SASH1: variants seen among roughly 807,000 people sequenced by gnomAD.
SASH1 encodes SAM and SH3 domain-containing protein 1.
SASH1 carries 44 observed loss-of-function variants against 125.2 expected under a neutral mutation model. The observed-to-expected ratio is 0.35, with a 90% CI of 0.28 to 0.45. The LOEUF (loss-of-function observed/expected upper bound fraction) is 0.45, where lower values mean the gene tolerates loss of function less well. Among genes scored for constraint, SASH1 ranks in the 20% least tolerant of loss-of-function variants. The pLI is 1.00. For synonymous variants in SASH1, 639 were observed against 649.1 expected (o/e 0.98, Z 0.24); for missense variants, 1,426 against 1,614.5 (o/e 0.88, Z 2.00).
intron 1 of SASH1, among the ~76,000 whole-genome samples, chr6:148,302,208 G>A (rs186409057): frequency 0.017 from 2,518 of 149,924 alleles, 67 homozygotes; most frequent in African/African-American, 0.058. Flanking sequence ...CCAGCTACTC[G>A]GGAGGCAGCA....
At chr6:148,351,518 T>C (rs1298209283) in intron 1 of SASH1, among the ~76,000 whole-genome samples, 1 of 152,030 alleles carries the variant, frequency 6.6e-6, no homozygotes, top group African/African-American at 2.4e-5. Flanking sequence ...GTGGCTTCCT[T>C]CTTTCTCCTA....
chr6:148,305,328 C>A (rs1780095321), intron 1 of SASH1, among the ~76,000 whole-genome samples: 1 of 152,144 alleles, frequency 6.6e-6, no homozygotes. Flanking sequence ...GATCTCTTGA[C>A]AAGGCGCAGT....
At chr6:148,485,209 C>T (rs905190867) in intron 7 of SASH1, among the ~76,000 whole-genome samples, 1 of 152,118 alleles carries the variant, frequency 6.6e-6, no homozygotes, top group South Asian at 2.1e-4. Flanking sequence ...ACATAATAAT[C>T]TCATGATAAT....
At chr6:148,226,566 C>G in the SASH1 span, among the ~76,000 whole-genome samples, 3 of 152,228 alleles carry the variant, frequency 2.0e-5, no homozygotes, top group Non-Finnish European at 4.4e-5. Context: ...TCTCCCACAA[C>G]GCGAAGTGGG....
At chr6:148,524,119 ATAT>A (rs1188726007) in intron 10 of SASH1, among the ~76,000 whole-genome samples, 2 of 125,156 alleles carry the variant, frequency 1.6e-5, no homozygotes, top group Non-Finnish European at 3.4e-5. Context: ...ATATATATAT[ATAT>A]TTTTTTTAAT....
intron 8 of SASH1, among the ~76,000 whole-genome samples, chr6:148,490,172 T>G (rs2115220212): frequency 6.6e-6 from 1 of 152,038 alleles, no homozygotes; most frequent in East Asian, 1.9e-4. Context: ...ATTCTACAAG[T>G]TCCATAGGGA....
intron 1 of SASH1, among the ~76,000 whole-genome samples, chr6:148,370,003 C>A (rs1317874393): frequency 8.4e-6 from 1 of 119,082 alleles, no homozygotes; most frequent in African/African-American, 3.1e-5. Flanking sequence ...AAAAACCCAA[C>A]CCAAACCAGC....
At chr6:148,448,161 C>A (rs1303145885) in intron 4 of SASH1, among the ~76,000 whole-genome samples, 1 of 142,086 alleles carries the variant, frequency 7.0e-6, no homozygotes, top group African/African-American at 2.7e-5. Flanking sequence ...TGCGTGCGTG[C>A]GTGCGTTGTC....
the SASH1 span, among the ~76,000 whole-genome samples, chr6:148,226,411 A>T: frequency 6.6e-6 from 1 of 152,200 alleles, no homozygotes; most frequent in African/African-American, 2.4e-5. Flanking sequence ...GAGGTAATGC[A>T]TGCCTACATA....
chr6:148,267,365 T>TTGTGTGTGTG (rs200228547), upstream of SASH1, among the ~76,000 whole-genome samples: 9,822 of 129,982 alleles, frequency 0.076, 514 homozygotes, highest in Non-Finnish European at 0.094. Flanking sequence ...CAGTACTACT[T>TTGTGTGTGTG]TGTGTGTGTG....
intron 1 of SASH1, among the ~76,000 whole-genome samples, chr6:148,289,576 G>C (rs1417377287): frequency 1.3e-5 from 2 of 152,190 alleles, no homozygotes; most frequent in Admixed American, 6.5e-5. Flanking sequence ...GTTAGAGCTG[G>C]CTTTTTGGCA....
chr6:148,441,245 C>T (rs537564497), intron 4 of SASH1, among the ~76,000 whole-genome samples: 44 of 152,342 alleles, frequency 2.9e-4, no homozygotes, highest in African/African-American at 1.1e-3. Context: ...GCAAAGCACA[C>T]GTTGGGGAGA....
intron 8 of SASH1, chr6:148,513,284 G>A: frequency 1.0e-6 from 1 of 985,448 alleles, no homozygotes; most frequent in Non-Finnish European, 1.2e-6. Flanking sequence ...GGAGGAAATG[G>A]AGAGAAGGTT....
At chr6:148,496,065 G>A (rs1317431464) in intron 8 of SASH1, among the ~76,000 whole-genome samples, 1 of 148,590 alleles carries the variant, frequency 6.7e-6, no homozygotes, top group Non-Finnish European at 1.5e-5. Flanking sequence ...CCAGGCTGTT[G>A]TCGAACTCCT....
chr6:148,250,724 CTATT>C, the SASH1 span, among the ~76,000 whole-genome samples: 1 of 152,108 alleles, frequency 6.6e-6, no homozygotes, highest in East Asian at 1.9e-4. Flanking sequence ...CTTCCAAAAA[CTATT>C]TATTTGATTT....
chr6:148,361,603 A>G (rs1228780417), intron 1 of SASH1, among the ~76,000 whole-genome samples: 2 of 151,220 alleles, frequency 1.3e-5, no homozygotes, highest in Non-Finnish European at 3.0e-5. Context: ...TCTGTCTCAA[A>G]AAAAAAAAGG....
Position 148,533,790 on chromosome 6 carries a change from T to C in SASH1, c.1754T>C (p.Ile585Thr), listed in dbSNP as rs770483886. ...CCACAGAAAGGAGATATCATCGATA[T>C]AATCAGCAAGCCACCCATGGGGACC... The part of the protein sequence containing the change: ...LKLKKGDIID[I>T]ISKPPMGTWM... The change falls in exon 15 of 20, where the codon ATA becomes ACA. Residue 585 changes from isoleucine (I) to threonine (T), a missense_variant. Physicochemically the swap from Ile to Thr is moderately conservative, Grantham distance 89. Around this residue, in one of 3 missense-constraint regions of SASH1, gnomAD observed 225 missense variants for 344.5 expected, o/e 0.65. Coordinates refer to ENST00000367467, the MANE Select transcript of SASH1 (RefSeq NM_015278.5). The surrounding 1 kb of genome is among the most constrained non-coding windows in gnomAD (Gnocchi z 6.2). 1.2e-6 allele frequency: 2 copies of C among 1,613,320 alleles called. No homozygotes were observed. Among genetic ancestry groups the C allele is most frequent in the Admixed American group, 1.7e-5 (1 of 59,990 alleles).
chr6:148,217,509 A>T, the SASH1 span, among the ~76,000 whole-genome samples: 2 of 152,080 alleles, frequency 1.3e-5, no homozygotes, highest in African/African-American at 4.8e-5. Context: ...CAGACAGGAA[A>T]ACTGAGAACA....
At chr6:148,358,737 T>TG (rs1467016864) in intron 1 of SASH1, among the ~76,000 whole-genome samples, 40 of 143,478 alleles carry the variant, frequency 2.8e-4, no homozygotes, top group Non-Finnish European at 5.2e-4. Context: ...GTTTTTGTTT[T>TG]TTTTTTTTTT....
Sources: allele counts gnomAD v4.1 joint callset (sites outside exome capture counted in the v4.1 genomes callset), GRCh38; gene constraint gnomAD v4.1.1; regional missense constraint gnomAD v4.1.1; non-coding constraint Gnocchi (gnomAD v3.1); transcripts MANE v1.5; gene names NCBI Gene and HGNC (gene_info 2026-07-23, HGNC 2026-07-21).